Variants in ZNF20 observed in about 807,000 individuals in gnomAD.
The protein encoded by ZNF20 is zinc finger protein 20, also known as zinc finger protein KOX13.
In ZNF20, 9 loss-of-function variants were observed where a neutral mutation model predicts 11.0. The observed-to-expected ratio is 0.82, with a 90% confidence interval of 0.49 to 1.43. The LOEUF (loss-of-function observed/expected upper bound fraction) is 1.43. Ranked by LOEUF, ZNF20 falls within the 40% of genes most tolerant of loss-of-function variation. The pLI is 0.00. For missense variants in ZNF20, 528 were observed against 640.8 expected, an observed-to-expected ratio of 0.82 and a Z score of 1.90; for synonymous variants, 182 against 213.0, an observed-to-expected ratio of 0.85 and a Z score of 1.27.
At chr19:12,137,059 C>G in intron 1 of ZNF20, 1 of 242,614 alleles carries the variant, frequency 4.1e-6, no homozygotes. Context: ...AATCCCAGCA[C>G]TTTGGGAGGC....
At position 12,139,987 on chromosome 19, in the gene ZNF20, G is replaced by A; in HGVS notation, c.3+193C>T. Reference sequence around the variant, plus strand: ...TCGCCCGCGCAGGAACAGAACAGGAGGACGCCCGGGGTCCCGGCTGCCGGC... The same window carrying A: ...TCGCCCGCGCAGGAACAGAACAGGAAGACGCCCGGGGTCCCGGCTGCCGGC... On this transcript the variant is annotated intron_variant, in intron 1 of 3. Transcript: ENST00000334213. This position sits in a 1 kb window ranked among gnomAD's most constrained non-coding sequence, Gnocchi z 4.0. 6.6e-6 allele frequency among the ~76,000 whole-genome samples: 1 copy of A among 152,224 alleles called. No individual in the cohort carries two copies. Among genetic ancestry groups the A allele is most frequent in the East Asian group, 1.9e-4 (1 of 5,182 alleles).
In ZNF20 at chr19:12,133,547, T is replaced by C; in HGVS notation, c.639A>G (p.Leu213=). ...TGTGAATTCGTTCATGGATAAGACATAAATTGAGAAAATAGAAGGCTTTCC... is the reference window on the plus strand; with the variant it reads ...TGTGAATTCGTTCATGGATAAGACACAAATTGAGAAAATAGAAGGCTTTCC... ...FCGKAFYFLN[L]CLIHERIHTG... Residue 213 remains leucine (L), a synonymous_variant, in exon 4 of 4, where the codon TTA becomes TTG. Coordinates refer to ENST00000334213, the MANE Select transcript of ZNF20 (RefSeq NM_021143.4). The C allele has an allele frequency of 1.9e-6, 3 of 1,614,198 alleles. No homozygotes were observed. The highest frequency in any genetic ancestry group is 2.5e-6 in the Non-Finnish European group (3 of 1,180,036).
rs747323989 is a variant in ZNF20, at chr19:12,133,560, T to C, written c.626A>G (p.Tyr209Cys). 16 of 1,613,994 alleles carry C rather than the reference T, an allele frequency of 9.9e-6. No homozygotes were observed. Among genetic ancestry groups the C allele is most frequent in the African/African-American group, 1.3e-5 (1 of 74,890 alleles). ...ATGGATAAGACATAAATTGAGAAAA[T>C]AGAAGGCTTTCCCACAAAACTTACA... ...YKCKFCGKAF[Y>C]FLNLCLIHER... Residue 209 changes from tyrosine (Y) to cysteine (C), a missense_variant, in exon 4 of 4, where the codon TAT becomes TGT. Tyr to Cys is a radical substitution (Grantham distance 194). Transcript: ENST00000334213.
Position 12,133,377 on chromosome 19 carries a change from AT to A in ZNF20, c.808del (p.Ile270PhefsTer34). ...AGTGTGAGACCTTTTATGTCTACGA[AT>A]TTCACTAGGAAAACTGAATGCATTC... is the stretch of plus-strand genomic sequence containing the variant. ...CGNAFSFPSE[I>X]RRHKRSHTGE... On this transcript the variant is annotated frameshift_variant, in exon 4 of 4. Transcript: ENST00000334213. LOFTEE classifies it low-confidence loss of function (END_TRUNC). 1 of 1,614,170 alleles carries A rather than the reference AT, an allele frequency of 6.2e-7. No homozygotes were observed. Among genetic ancestry groups the A allele is most frequent in the Non-Finnish European group, 8.5e-7 (1 of 1,180,008 alleles).
rs1180461075 is a variant in ZNF20 at position 12,139,163 on chromosome 19, A to G, written c.3+1017T>C. ...CTATTCAAACTTCAGCTATGAAAGGAAATACCTACTCCATAGGGCGTAAGC... is the reference window on the plus strand; with the variant it reads ...CTATTCAAACTTCAGCTATGAAAGGGAATACCTACTCCATAGGGCGTAAGC... On this transcript the variant is annotated intron_variant, in intron 1 of 3. Coordinates refer to ENST00000334213, the MANE Select transcript of ZNF20 (RefSeq NM_021143.4). The surrounding 1 kb of genome is among the most constrained non-coding windows in gnomAD (Gnocchi z 4.0). Among the ~76,000 whole-genome samples the G allele has an allele frequency of 6.6e-6, 1 of 152,256 alleles. No homozygotes were observed. Among genetic ancestry groups the G allele is most frequent in the Non-Finnish European group, 1.5e-5 (1 of 68,054 alleles).
chr19:12,140,103 A>G, intron 1 of ZNF20, 77 bp downstream of exon 1: 2 of 1,541,082 alleles, frequency 1.3e-6, no homozygotes, highest in East Asian at 2.4e-5. Flanking sequence ...GAGGAGGCCC[A>G]GATCCCACCA....
Position 12,131,365 on chromosome 19 carries a change from G to A in ZNF20, c.*1222C>T, listed in dbSNP as rs1244548548. On this transcript the variant is annotated 3_prime_UTR_variant, in exon 4 of 4. Transcript: ENST00000334213. ...ATACCCCAAATTTTTCTCTTCTCAC[G>A]AAATGTGACTATCTTTTAATATCTC... 2.6e-5 allele frequency: 4 copies of A among 151,986 alleles called. No homozygotes were observed. Among genetic ancestry groups the A allele is most frequent in the Admixed American group, 6.6e-5 (1 of 15,252 alleles). 9.4% of individuals were successfully genotyped at this position (151,986 alleles called of 1,614,324 possible).
chr19:12,136,332 C>T (rs1379497305), intron 1 of ZNF20, among the ~76,000 whole-genome samples: 1 of 151,944 alleles, frequency 6.6e-6, no homozygotes, highest in Non-Finnish European at 1.5e-5. Context: ...GCCGAGATCG[C>T]GTCACTGCAC....
Position 12,131,567 on chromosome 19 carries a change from A to C in ZNF20, c.*1020T>G, listed in dbSNP as rs1976623016. On this transcript the variant is annotated 3_prime_UTR_variant, in exon 4 of 4. Transcript: ENST00000334213. ...AAATTCATGATCCAGATAAAAACTA[A>C]GAATATAAGCATGAAAAGTAAAATC... The C allele has an allele frequency of 6.6e-6, 1 of 152,234 alleles. No homozygotes were observed. Among genetic ancestry groups the C allele is most frequent in the Non-Finnish European group, 1.5e-5 (1 of 68,032 alleles). 9.4% of individuals were successfully genotyped at this position (152,234 alleles called of 1,614,324 possible).
chr19:12,132,626 T>C lies in ZNF20; in HGVS notation c.1560A>G (p.Ser520=). The C allele has an allele frequency of 6.2e-7, 1 of 1,608,048 alleles. No homozygotes were observed. The highest frequency in any genetic ancestry group is 8.5e-7 in the Non-Finnish European group (1 of 1,178,060). Residue 520 remains serine (S), a synonymous_variant, in exon 4 of 4, where the codon TCA becomes TCG. Coordinates refer to ENST00000334213, the MANE Select transcript of ZNF20 (RefSeq NM_021143.4). The part of the protein sequence containing the change: ...QCGKAFIRAS[S]CREHERTHTI... ...TATGAGTTCTTTCATGTTCTCGACA[T>C]GAACTGGCACGAATAAAGGCTTTGC...
chr19:12,140,327 T>C lies in ZNF20; in HGVS notation c.-145A>G. The C allele has an allele frequency of 9.5e-7, 1 of 1,055,072 alleles. No homozygotes were observed. Among genetic ancestry groups the C allele is most frequent in the Non-Finnish European group, 1.4e-6 (1 of 697,426 alleles). 65.4% of individuals were successfully genotyped at this position (1,055,072 alleles called of 1,614,324 possible). ...GAAATCTGGTATCCCGACAACAACCTGCATAGCAACAAAAGTAGAAGCTGG... is the reference window on the plus strand; with the variant it reads ...GAAATCTGGTATCCCGACAACAACCCGCATAGCAACAAAAGTAGAAGCTGG... On this transcript the variant is annotated 5_prime_UTR_variant, in exon 1 of 4. Transcript: ENST00000334213.
Position 12,132,367 on chromosome 19 carries a change from T to G in ZNF20, c.*220A>C, listed in dbSNP as rs145499747. Reference sequence around the variant, plus strand: ...GGCCTCTAATATGTGACTGATGCCTTCCTTTTCTGTGCCTTTGAAATCTCA... The same window carrying G: ...GGCCTCTAATATGTGACTGATGCCTGCCTTTTCTGTGCCTTTGAAATCTCA... On this transcript the variant is annotated 3_prime_UTR_variant, in exon 4 of 4. Transcript: ENST00000334213. The G allele has an allele frequency of 3.9e-4, 203 of 519,286 alleles. No individual in the cohort carries two copies. The highest frequency in any genetic ancestry group is 3.7e-3 in the African/African-American group (190 of 51,482). 32.2% of individuals were successfully genotyped at this position (519,286 alleles called of 1,614,324 possible). A position where few individuals can be genotyped will look rare whatever the true frequency, so the allele number is the denominator to read the frequency against.
rs1206150694 is a variant in ZNF20 at position 12,131,554 on chromosome 19, C to T, written c.*1033G>A. On this transcript the variant is annotated 3_prime_UTR_variant, in exon 4 of 4. Transcript: ENST00000334213. ...TTAGAATAGATGAAAATTCATGATC[C>T]AGATAAAAACTAAGAATATAAGCAT... is the stretch of plus-strand genomic sequence containing the variant. 6.6e-6 allele frequency: 1 copy of T among 152,060 alleles called. No homozygotes were observed. The highest frequency in any genetic ancestry group is 1.9e-4 in the East Asian group (1 of 5,200). The allele number at this position is 152,060 out of a possible 1,614,324, so 9.4% of individuals were successfully genotyped here.
At position 12,135,565 on chromosome 19, in the gene ZNF20, AAC is replaced by A; in HGVS notation, c.140-7_140-6del. 1 of 1,612,268 alleles carries A rather than the reference AAC, an allele frequency of 6.2e-7. No individual in the cohort carries two copies. Among genetic ancestry groups the A allele is most frequent in the Non-Finnish European group, 8.5e-7 (1 of 1,179,486 alleles). On this transcript the variant is annotated splice_region_variant and splice_polypyrimidine_tract_variant and intron_variant, in intron 2 of 3. Transcript: ENST00000334213. ...TCTGAACTTTCCATGTTTTTCCTAA[AAC>A]ACAGACCCGGAGAAAACACAGATCC...
rs1351700419 is a variant in ZNF20, at chr19:12,132,202, G to C, written c.*385C>G. 1.1e-5 allele frequency: 2 copies of C among 179,190 alleles called. No homozygotes were observed. The highest frequency in any genetic ancestry group is 4.7e-5 in the African/African-American group (2 of 42,182). The allele number at this position is 179,190 out of a possible 1,614,324, so 11.1% of individuals were successfully genotyped here. On this transcript the variant is annotated 3_prime_UTR_variant, in exon 4 of 4. Coordinates refer to ENST00000334213, the MANE Select transcript of ZNF20 (RefSeq NM_021143.4). Reference sequence around the variant, plus strand: ...CAAAGTGGGCATGTATCTTTAATGTGGAGCACTGGGGACATATCTGGAGAC... The same window carrying C: ...CAAAGTGGGCATGTATCTTTAATGTCGAGCACTGGGGACATATCTGGAGAC...
In ZNF20 at chr19:12,133,180, C is replaced by G. The variant is rs61745731; in HGVS notation, c.1006G>C (p.Glu336Gln). 8.0e-3 allele frequency: 12,907 copies of G among 1,614,142 alleles called. 68 individuals carry two copies. The highest frequency in any genetic ancestry group is 9.8e-3 in the Non-Finnish European group (11,605 of 1,180,024). The change falls in exon 4 of 4, where the codon GAG becomes CAG. Residue 336 changes from glutamate (E) to glutamine (Q), a missense_variant. Glu to Gln is a conservative substitution (Grantham distance 29). Transcript: ENST00000334213. ...LQKHGRTHTGEKPYECRQCGK... is the reference protein window; with the variant it reads ...LQKHGRTHTGQKPYECRQCGK... The stretch of plus-strand genomic sequence containing the variant: ...CATTGCCTACATTCATAGGGTTTCT[C>G]TCCAGTGTGAGTCCTTCCATGCTTT...
chr19:12,133,703 A>G lies in ZNF20; in HGVS notation c.483T>C (p.His161=), dbSNP rs17001796. Reference sequence around the variant, plus strand: ...GTTTCTCTTTAGTGCAAGCTTTATCATGTGATTGAAAGGAGTCAAGATAAC... The same window carrying G: ...GTTTCTCTTTAGTGCAAGCTTTATCGTGTGATTGAAAGGAGTCAAGATAAC... ...AFSYLDSFQS[H]DKACTKEKPY... The change falls in exon 4 of 4, where the codon CAT becomes CAC. Residue 161 remains histidine, a synonymous_variant. Transcript: ENST00000334213. The G allele has an allele frequency of 1.5e-3, 2,357 of 1,614,186 alleles. 37 individuals carry two copies. In the African/African-American group the frequency reaches 0.027, roughly 19 times the overall value.
rs553763626 is a variant in ZNF20 at position 12,139,390 on chromosome 19, A to G, written c.3+790T>C. ...TTCCTTGCTTTGTGCGTTTTGTCCA[A>G]TTCTTTGTTCAAGACGCCAAGAACC... On this transcript the variant is annotated intron_variant, in intron 1 of 3. Transcript: ENST00000334213. The surrounding 1 kb of genome is among the most constrained non-coding windows in gnomAD (Gnocchi z 4.0). 1.2e-4 allele frequency among the ~76,000 whole-genome samples: 18 copies of G among 152,148 alleles called. No individual in the cohort carries two copies. Among genetic ancestry groups the G allele is most frequent in the Non-Finnish European group, 1.9e-4 (13 of 68,018 alleles).
chr19:12,138,137 C>T (rs570409772), intron 1 of ZNF20, among the ~76,000 whole-genome samples: 1 of 152,234 alleles, frequency 6.6e-6, no homozygotes, highest in South Asian at 2.1e-4. Flanking sequence ...CCTGAAGACA[C>T]ATCACCCTGT....
Sources: gnomAD v4.1 joint callset for allele counts (sites outside exome capture counted in the v4.1 genomes callset) on GRCh38, gnomAD v4.1.1 for gene constraint, Gnocchi (gnomAD v3.1) non-coding constraint, MANE v1.5 for transcripts, NCBI Gene and HGNC (gene_info 2026-07-23, HGNC 2026-07-21) for gene names.